ADGRL3: variants seen among roughly 807,000 people sequenced by gnomAD.
ADGRL3 encodes the protein adhesion G protein-coupled receptor L3.
ADGRL3 carries 62 observed loss-of-function variants against 153.5 expected under a neutral mutation model. That is an observed-to-expected ratio of 0.40 (90% CI 0.33 to 0.50). The LOEUF is 0.50. Ranked by LOEUF, ADGRL3 falls within the 20% of genes least tolerant of loss-of-function variation. The probability of loss-of-function intolerance (pLI) is 0.47; values close to 1 mark genes in which losing one functional copy is unlikely to be tolerated. For missense variants in ADGRL3, 1,641 were observed against 1,859.4 expected (o/e 0.88, Z 2.16); for synonymous variants, 710 against 672.5 (o/e 1.06, Z -0.86).
In ADGRL3 at chr4:61,935,882, A is replaced by G. The variant is rs377444613; in HGVS notation, c.2297-41A>G. On this transcript the variant is annotated intron_variant, in intron 14 of 26. Coordinates refer to ENST00000683033, the MANE Select transcript of ADGRL3 (RefSeq NM_001387552.1). ...TTTAGGAAATTATTGTAGCTTAGGT[A>G]TGTTTCTCAATGAGCACTGATATCT... 140 of 1,546,136 alleles carry G rather than the reference A, an allele frequency of 9.1e-5. No homozygotes were observed. The African/African-American group carries it at 1.9e-3, about 21-fold the overall frequency.
chr4:62,007,140 A>G (rs2099161977), intron 21 of ADGRL3, among the ~76,000 whole-genome samples: 1 of 151,436 alleles, frequency 6.6e-6, no homozygotes, highest in African/African-American at 2.4e-5. Flanking sequence ...AAGAGATAAG[A>G]GAAGGGATTC....
chr4:62,008,739 A>G (rs1053360151), intron 21 of ADGRL3, among the ~76,000 whole-genome samples: 3 of 151,560 alleles, frequency 2.0e-5, no homozygotes, highest in Non-Finnish European at 4.4e-5. Flanking sequence ...GTGTGTGTAT[A>G]TATAGATACA....
chr4:61,570,593 T>C (rs941404324), intron 4 of ADGRL3, among the ~76,000 whole-genome samples: 14 of 152,168 alleles, frequency 9.2e-5, no homozygotes, highest in Non-Finnish European at 1.6e-4. Flanking sequence ...TAGTCTATTA[T>C]AATTTTGCAC....
intron 4 of ADGRL3, among the ~76,000 whole-genome samples, chr4:61,563,211 G>A (rs2149006922): frequency 6.6e-6 from 1 of 152,278 alleles, no homozygotes; most frequent in African/African-American, 2.4e-5. Context: ...CTCCATCGGA[G>A]CTCCTGGGTG....
At chr4:61,514,318 G>A (rs1313262702) in intron 3 of ADGRL3, among the ~76,000 whole-genome samples, 1 of 152,148 alleles carries the variant, frequency 6.6e-6, no homozygotes, top group African/African-American at 2.4e-5. Context: ...TTTCTAGCAT[G>A]TGAATTGAAG....
chr4:61,241,605 T>A (rs1207472867), intron 1 of ADGRL3, among the ~76,000 whole-genome samples: 1 of 152,094 alleles, frequency 6.6e-6, no homozygotes, highest in Non-Finnish European at 1.5e-5. Context: ...ATGTGCAGTT[T>A]GAATTGGAAG....
rs528868215 is a variant in ADGRL3 at position 62,039,793 on chromosome 4, A to G, written c.3717+1937A>G. Among the ~76,000 whole-genome samples the G allele has an allele frequency of 9.2e-5, 14 of 152,220 alleles. No homozygotes were observed. In the East Asian group the frequency reaches 1.9e-3, roughly 21 times the overall value. ...TAATAACTTTTTCCACGACTTTTCA[A>G]TTGATATTGCTAAGATTCCCTATAT... is the stretch of plus-strand genomic sequence containing the variant. On this transcript the variant is annotated intron_variant, in intron 24 of 26. Transcript: ENST00000683033.
intron 13 of ADGRL3, among the ~76,000 whole-genome samples, chr4:61,923,925 T>C (rs539510998): frequency 6.6e-6 from 1 of 152,312 alleles, no homozygotes; most frequent in Non-Finnish European, 1.5e-5. Flanking sequence ...AAATATTTAC[T>C]GTTTAATTGA....
intron 5 of ADGRL3, among the ~76,000 whole-genome samples, chr4:61,669,721 A>G (rs763268383): frequency 6.6e-6 from 1 of 152,188 alleles, no homozygotes; most frequent in Non-Finnish European, 1.5e-5. Context: ...ATATTATTTA[A>G]TAAGTGCTAA....
intron 9 of ADGRL3, among the ~76,000 whole-genome samples, chr4:61,817,800 G>A (rs573726250): frequency 5.3e-5 from 8 of 152,276 alleles, no homozygotes; most frequent in Admixed American, 5.2e-4. Context: ...AGCAAAAAGG[G>A]AAACTCCTTA....
In ADGRL3 at chr4:62,048,171, T is replaced by C. The variant is rs1159845771; in HGVS notation, c.3814+3622T>C. Among the ~76,000 whole-genome samples, 4 of 152,300 alleles carry C rather than the reference T, an allele frequency of 2.6e-5. No homozygotes were observed. In the East Asian group the frequency reaches 7.7e-4, roughly 29 times the overall value. The stretch of plus-strand genomic sequence containing the variant: ...TGGAAAGGACTTGCAGCTAGAGTAG[T>C]CTTTGCCACCCATATCTCCTACCAA... On this transcript the variant is annotated intron_variant, in intron 25 of 26. Coordinates refer to ENST00000683033, the MANE Select transcript of ADGRL3 (RefSeq NM_001387552.1).
chr4:61,856,692 C>A (rs142344647), intron 9 of ADGRL3, among the ~76,000 whole-genome samples: 12,222 of 137,808 alleles, frequency 0.089, 567 homozygotes, highest in Middle Eastern at 0.12. Flanking sequence ...TCTCAGCTCA[C>A]TGCAACCTCC....
intron 6 of ADGRL3, among the ~76,000 whole-genome samples, chr4:61,729,796 T>G (rs1467243400): frequency 2.6e-5 from 4 of 152,026 alleles, no homozygotes; most frequent in African/African-American, 9.7e-5. Flanking sequence ...CTTGTATTGG[T>G]CAGTACCTTA....
At chr4:61,246,596 T>C (rs959298974) in intron 1 of ADGRL3, among the ~76,000 whole-genome samples, 4 of 152,016 alleles carry the variant, frequency 2.6e-5, no homozygotes, top group Non-Finnish European at 4.4e-5. Flanking sequence ...GTAAATTTTA[T>C]GTTTTATTAT....
chr4:61,767,430 C>T (rs376776288), intron 8 of ADGRL3, among the ~76,000 whole-genome samples: 3 of 152,026 alleles, frequency 2.0e-5, no homozygotes, highest in Non-Finnish European at 4.4e-5. Flanking sequence ...TTGAAAAGAA[C>T]GTAATGTGGA....
At position 61,418,928 on chromosome 4, in the gene ADGRL3, G is replaced by C. The variant is rs2097173113; in HGVS notation, c.-174+35739G>C. Among the ~76,000 whole-genome samples, 3 of 150,730 alleles carry C rather than the reference G, an allele frequency of 2.0e-5. No homozygotes were observed. The South Asian group carries it at 6.4e-4, about 32-fold the overall frequency. On this transcript the variant is annotated intron_variant, in intron 2 of 26. Transcript: ENST00000683033. The stretch of plus-strand genomic sequence containing the variant: ...AAATTAATTTAGAAGTTTATTTACA[G>C]TTTAGTGACTATAAATAGAAATCCT...
At chr4:61,395,558 T>G (rs2096859016) in intron 2 of ADGRL3, among the ~76,000 whole-genome samples, 2 of 152,102 alleles carry the variant, frequency 1.3e-5, no homozygotes, top group South Asian at 4.1e-4. Flanking sequence ...CTCAGCTGGC[T>G]TATTTTCTAG....
intron 3 of ADGRL3, among the ~76,000 whole-genome samples, chr4:61,508,409 G>A (rs888854785): frequency 9.9e-5 from 15 of 152,132 alleles, no homozygotes; most frequent in East Asian, 5.8e-4. Context: ...TATTCTCAGC[G>A]TATTTTATAA....
intron 9 of ADGRL3, among the ~76,000 whole-genome samples, chr4:61,814,750 G>A (rs2097669212): frequency 6.6e-6 from 1 of 151,944 alleles, no homozygotes; most frequent in African/African-American, 2.4e-5. Flanking sequence ...TAATTGATAG[G>A]TTTCCACCAA....
Sources: gnomAD v4.1 joint callset for allele counts (sites outside exome capture counted in the v4.1 genomes callset) on GRCh38, gnomAD v4.1.1 for gene constraint, MANE v1.5 for transcripts, NCBI Gene and HGNC (gene_info 2026-07-23, HGNC 2026-07-21) for gene names.